Variants in DPF3 observed in about 807,000 individuals in gnomAD.
The protein encoded by DPF3 is zinc finger protein DPF3.
A neutral mutation model predicts 56.8 loss-of-function variants in DPF3; 18 were observed. The ratio of observed to expected loss-of-function variants is 0.32; its 90% CI spans 0.22 to 0.47. The LOEUF (loss-of-function observed/expected upper bound fraction) is 0.47. Ranked by LOEUF, DPF3 falls within the 20% of genes least tolerant of loss-of-function variation. The pLI, the probability that DPF3 is intolerant of heterozygous loss-of-function variation, is 1.00. For missense variants in DPF3, 403 were observed against 488.8 expected, an observed-to-expected ratio of 0.82 and a Z score of 1.65; for synonymous variants, 188 against 180.2, an observed-to-expected ratio of 1.04 and a Z score of -0.35.
chr14:72,675,434 T>C (rs886271015), intron 7 of DPF3: 3 of 152,266 alleles, frequency 2.0e-5, no homozygotes, highest in Non-Finnish European at 4.4e-5. Context: ...CACCCAAGTA[T>C]CTTCCTCCTC....
chr14:72,858,905 T>C (rs1160973129), intron 1 of DPF3, among the ~76,000 whole-genome samples: 2 of 152,186 alleles, frequency 1.3e-5, no homozygotes, highest in Non-Finnish European at 2.9e-5. Context: ...ATCATTTCTA[T>C]AAAAACAAAG....
intron 3 of DPF3, among the ~76,000 whole-genome samples, chr14:72,749,105 C>G (rs1319193433): frequency 2.0e-5 from 3 of 152,384 alleles, no homozygotes; most frequent in East Asian, 3.9e-4. Context: ...AAGCCGCAGA[C>G]ACTCAATGCC....
At chr14:72,892,942 TGGAAGGAAGGAAGGAAGGAA>T (rs61598180) in intron 1 of DPF3, among the ~76,000 whole-genome samples, 14,578 of 132,424 alleles carry the variant, frequency 0.11, 2,053 homozygotes, top group Admixed American at 0.14. Context: ...TTCCACTGAC[TGGAAGGAAGGAAGGAAGGAA>T]GGAAGGAAGG....
chr14:72,859,085 A>G (rs1355279214), intron 1 of DPF3, among the ~76,000 whole-genome samples: 1 of 152,192 alleles, frequency 6.6e-6, no homozygotes, highest in Non-Finnish European at 1.5e-5. Flanking sequence ...TCCAGAAAGA[A>G]TCTTTATTTT....
At chr14:72,735,407 C>T (rs778966549) in intron 3 of DPF3, among the ~76,000 whole-genome samples, 10 of 152,194 alleles carry the variant, frequency 6.6e-5, no homozygotes, top group Non-Finnish European at 1.5e-4. Flanking sequence ...GATAAATATG[C>T]CTCCATCCTG....
intron 8 of DPF3, among the ~76,000 whole-genome samples, chr14:72,632,003 T>C (rs1407294242): frequency 6.6e-6 from 1 of 152,076 alleles, no homozygotes; most frequent in African/African-American, 2.4e-5. Context: ...TGAAGCAGCT[T>C]AGCAAATTAC....
At chr14:72,883,662 T>G (rs1444815654) in intron 1 of DPF3, among the ~76,000 whole-genome samples, 1 of 152,194 alleles carries the variant, frequency 6.6e-6, no homozygotes, top group African/African-American at 2.4e-5. Context: ...GCATGGTGGC[T>G]TACGCCTGTA....
At chr14:72,867,207 T>C (rs141176419) in intron 1 of DPF3, among the ~76,000 whole-genome samples, 35 of 152,270 alleles carry the variant, frequency 2.3e-4, no homozygotes, top group African/African-American at 8.2e-4. Context: ...TTCTGCCTCC[T>C]ACAGCTTCAT....
chr14:72,620,846 C>T (rs188556903), intron 9 of DPF3, among the ~76,000 whole-genome samples: 4 of 152,336 alleles, frequency 2.6e-5, no homozygotes, highest in African/African-American at 4.8e-5. Flanking sequence ...CATCTAATCA[C>T]GTTTGTTTTC....
In DPF3 at chr14:72,859,472, C is replaced by A. The variant is rs865823111; in HGVS notation, c.32+34585G>T. Among the ~76,000 whole-genome samples, 261 of 45,252 alleles carry A rather than the reference C, an allele frequency of 5.8e-3. 2 individuals are homozygous for A. Among genetic ancestry groups the A allele is most frequent in the African/African-American group, 0.02 (246 of 12,372 alleles). The allele number at this position is 45,252 out of a possible 152,430, so 29.7% of individuals were successfully genotyped here. A position where few individuals can be genotyped will look rare whatever the true frequency, so the allele number is the denominator to read the frequency against. On this transcript the variant is annotated intron_variant, in intron 1 of 10. Transcript: ENST00000556509. ...TCATTGGTTCTCTGCAGCTTCCTCC[C>A]CCCCCCCCCCCACACCATTCCCCCC...
Position 72,879,392 on chromosome 14 carries a change from A to AG in DPF3, c.32+14664_32+14665insC, listed in dbSNP as rs1191166099. Among the ~76,000 whole-genome samples, 198 of 150,754 alleles carry AG rather than the reference A, an allele frequency of 1.3e-3. 1 individual carries two copies. Among genetic ancestry groups the AG allele is most frequent in the Middle Eastern group, 6.8e-3 (2 of 294 alleles). On this transcript the variant is annotated intron_variant, in intron 1 of 10. Transcript: ENST00000556509. ...AGATTCCATCTCCAAAAAAAAAAAA[A>AG]AAAGAAAAGAAAGGCATATGTGGCT...
Position 72,784,788 on chromosome 14 carries a change from C to A in DPF3, c.33-12895G>T, listed in dbSNP as rs1407555134. On this transcript the variant is annotated intron_variant, in intron 1 of 10. Transcript: ENST00000556509. The stretch of plus-strand genomic sequence containing the variant: ...CCTGGCCAACTTGGTGAAAAACCGT[C>A]TCTACTAAAACTACAAAAATTAGCC... Among the ~76,000 whole-genome samples, 3 of 151,920 alleles carry A rather than the reference C, an allele frequency of 2.0e-5. No individual in the cohort carries two copies. The East Asian group carries it at 5.8e-4, about 29-fold the overall frequency.
chr14:72,683,662 G>A (rs919783989), intron 7 of DPF3, among the ~76,000 whole-genome samples: 9 of 152,166 alleles, frequency 5.9e-5, no homozygotes, highest in African/African-American at 2.2e-4. Flanking sequence ...GCACCTGAGG[G>A]GAGGTGAGTC....
chr14:72,618,956 G>A lies in DPF3; in HGVS notation c.*341C>T, dbSNP rs1184878803. On this transcript the variant is annotated 3_prime_UTR_variant, in exon 11 of 11. Transcript: ENST00000556509. ...CACACTACACACAAGTAATGGATGA[G>A]TGGTCAGGAAATGGCTTCCCTTAAA... 6.6e-6 allele frequency among the ~76,000 whole-genome samples: 1 copy of A among 152,232 alleles called. No individual in the cohort carries two copies. The highest frequency in any genetic ancestry group is 1.5e-5 in the Non-Finnish European group (1 of 68,052).
At chr14:72,772,928 A>AGGAAG (rs1891595362) in intron 1 of DPF3, among the ~76,000 whole-genome samples, 1 of 152,176 alleles carries the variant, frequency 6.6e-6, no homozygotes, top group Non-Finnish European at 1.5e-5. Context: ...AAGAAGAAGT[A>AGGAAG]GGAAGGGAAG....
At chr14:72,848,500 T>C (rs969850899) in intron 1 of DPF3, among the ~76,000 whole-genome samples, 2 of 152,204 alleles carry the variant, frequency 1.3e-5, no homozygotes, top group Non-Finnish European at 2.9e-5. Flanking sequence ...CTCTTTGTTA[T>C]AGCAGCTTAG....
At position 72,616,487 on chromosome 14, in the gene DPF3, C is replaced by G. The variant is rs1884098401; in HGVS notation, c.*2810G>C. Among the ~76,000 whole-genome samples, 1 of 152,190 alleles carries G rather than the reference C, an allele frequency of 6.6e-6. No individual in the cohort carries two copies. The highest frequency in any genetic ancestry group is 1.5e-5 in the Non-Finnish European group (1 of 68,040). ...CACAAGGGAGATTTGAAGAAGACGT[C>G]TAACATTGGCTAATGCACACAAGAA... is the stretch of plus-strand genomic sequence containing the variant. On this transcript the variant is annotated 3_prime_UTR_variant, in exon 11 of 11. Coordinates refer to ENST00000556509, the MANE Select transcript of DPF3 (RefSeq NM_001280542.3).
rs905965417 is a variant in DPF3, at chr14:72,879,781, G to A, written c.32+14276C>T. 1.7e-4 allele frequency: 256 copies of A among 1,524,874 alleles called. No homozygotes were observed. The Admixed American group carries it at 1.8e-3, about 10-fold the overall frequency. 94.5% of individuals were successfully genotyped at this position (1,524,874 alleles called of 1,614,324 possible). Reference sequence around the variant, plus strand: ...CCCTCAGACTAACAAGTTCACACACGTCTCTCACACTGAGGTTCTTACCCT... The same window carrying A: ...CCCTCAGACTAACAAGTTCACACACATCTCTCACACTGAGGTTCTTACCCT... On this transcript the variant is annotated intron_variant, in intron 1 of 10. Coordinates refer to ENST00000556509, the MANE Select transcript of DPF3 (RefSeq NM_001280542.3).
chr14:72,819,160 C>A (rs970903606), intron 1 of DPF3, among the ~76,000 whole-genome samples: 5 of 152,124 alleles, frequency 3.3e-5, no homozygotes, highest in Non-Finnish European at 7.3e-5. Flanking sequence ...CCGTTCACAC[C>A]CATTAAAATG....
Sources: gnomAD v4.1 joint callset for allele counts (sites outside exome capture counted in the v4.1 genomes callset) on GRCh38, gnomAD v4.1.1 for gene constraint, MANE v1.5 for transcripts, NCBI Gene and HGNC (gene_info 2026-07-23, HGNC 2026-07-21) for gene names.